The following NUP210L variants were observed in gnomAD, a reference collection of about 807,000 sequenced individuals.
NUP210L encodes nuclear pore membrane glycoprotein 210-like.
Under a neutral mutation model 208.5 loss-of-function variants are expected in NUP210L, and 74 were observed. The observed-to-expected ratio is 0.35, with a 90% CI of 0.29 to 0.43. The LOEUF is 0.43. Ranked by LOEUF, NUP210L falls within the 20% of genes least tolerant of loss-of-function variation. The probability of loss-of-function intolerance (pLI) is 1.00; values close to 1 mark genes in which losing one functional copy is unlikely to be tolerated. For synonymous variants in NUP210L, 780 were observed against 816.9 expected (o/e 0.95, Z 0.77); for missense variants, 1,843 against 2,289.4 (o/e 0.81, Z 3.98).
At chr1:154,117,471 C>G (rs1443488164) in intron 12 of NUP210L, among the ~76,000 whole-genome samples, 5 of 152,096 alleles carry the variant, frequency 3.3e-5, no homozygotes, top group African/African-American at 1.2e-4. Context: ...ATCCCAGCTA[C>G]TCAGGAGGCT....
chr1:154,132,281 A>G (rs183469902), intron 7 of NUP210L, among the ~76,000 whole-genome samples: 1 of 152,300 alleles, frequency 6.6e-6, no homozygotes, highest in Admixed American at 6.5e-5. Context: ...ACTATCACCT[A>G]TCTATAAACT....
At chr1:153,995,642 G>A (rs780242856) in intron 37 of NUP210L, 28 of 1,309,774 alleles carry the variant, frequency 2.1e-5, no homozygotes, top group Middle Eastern at 2.6e-4. Flanking sequence ...ATGGTCCAGC[G>A]TTTGACATAC....
chr1:154,099,494 T>A (rs1266154105), intron 14 of NUP210L, among the ~76,000 whole-genome samples: 1 of 152,214 alleles, frequency 6.6e-6, no homozygotes. Context: ...GTCTCCATTA[T>A]AATGAACCAG....
At chr1:153,993,732 C>G (rs774046550) in intron 38 of NUP210L, among the ~76,000 whole-genome samples, 4 of 151,024 alleles carry the variant, frequency 2.6e-5, no homozygotes, top group Non-Finnish European at 4.4e-5. Context: ...GGCCAACATG[C>G]CACTAAAAAT....
In NUP210L at chr1:154,041,003, C is replaced by A. The variant is rs549421824; in HGVS notation, c.3696+5066G>T. ...TTTGAGAGACAGGGTCTCACTTTGTCTTCCAGGCTGGAGTGCCGTGGTGCA... is the reference window on the plus strand; with the variant it reads ...TTTGAGAGACAGGGTCTCACTTTGTATTCCAGGCTGGAGTGCCGTGGTGCA... On this transcript the variant is annotated intron_variant, in intron 27 of 39. Coordinates refer to ENST00000368559, the Ensembl canonical transcript of NUP210L. 3.3e-5 allele frequency among the ~76,000 whole-genome samples: 5 copies of A among 152,282 alleles called. No individual in the cohort carries two copies. In the South Asian group the frequency reaches 1.0e-3, roughly 32 times the overall value.
At chr1:154,096,364 G>A (rs2148056077) in intron 14 of NUP210L, among the ~76,000 whole-genome samples, 1 of 152,240 alleles carries the variant, frequency 6.6e-6, no homozygotes, top group South Asian at 2.1e-4. Context: ...ATTCACTTAT[G>A]AGGATACAGT....
intron 37 of NUP210L, among the ~76,000 whole-genome samples, chr1:153,997,082 G>T (rs991991241): frequency 1.3e-5 from 2 of 151,842 alleles, no homozygotes; most frequent in Admixed American, 1.3e-4. Context: ...TGCTGCCTCA[G>T]CATCCTGCGT....
intron 2 of NUP210L, among the ~76,000 whole-genome samples, chr1:154,147,976 A>G (rs1659201038): frequency 7.2e-6 from 1 of 138,896 alleles, no homozygotes; most frequent in Non-Finnish European, 1.6e-5. Context: ...TTTAAGTGTC[A>G]AGGCCAGGCA....
intron 2 of NUP210L, among the ~76,000 whole-genome samples, chr1:154,145,659 T>C (rs1029437375): frequency 6.6e-6 from 1 of 152,158 alleles, no homozygotes; most frequent in Non-Finnish European, 1.5e-5. Flanking sequence ...CTTTTCTCCC[T>C]GTCAGAGAAA....
In NUP210L at chr1:153,992,952, A is replaced by C. The variant is rs1233504222; in HGVS notation, c.5567-17T>G. 1 of 1,608,688 alleles carries C rather than the reference A, an allele frequency of 6.2e-7. No homozygotes were observed. The highest frequency in any genetic ancestry group is 8.5e-7 in the Non-Finnish European group (1 of 1,177,296). Reference sequence around the variant, plus strand: ...TAAAAAAACCTAGAAGAAGAGGGAAAAGTTGAGTGAATTAAACGTGTGTAT... The same window carrying C: ...TAAAAAAACCTAGAAGAAGAGGGAACAGTTGAGTGAATTAAACGTGTGTAT... On this transcript the variant is annotated splice_polypyrimidine_tract_variant and intron_variant, in intron 39 of 39. Transcript: ENST00000368559.
chr1:154,056,146 T>C (rs920273450), intron 23 of NUP210L, among the ~76,000 whole-genome samples: 1 of 152,106 alleles, frequency 6.6e-6, no homozygotes, highest in African/African-American at 2.4e-5. Context: ...GCTTTCCACA[T>C]TTTCTTTTCT....
chr1:154,125,825 T>C (rs1657930221), intron 10 of NUP210L, among the ~76,000 whole-genome samples: 1 of 123,574 alleles, frequency 8.1e-6, no homozygotes, highest in African/African-American at 2.9e-5. Context: ...TGGAGCGCAG[T>C]GGCGGGATCT....
At chr1:154,153,810 C>G (rs1422999341) in intron 1 of NUP210L, among the ~76,000 whole-genome samples, 1 of 152,182 alleles carries the variant, frequency 6.6e-6, no homozygotes, top group African/African-American at 2.4e-5. Flanking sequence ...CTTGCATCAC[C>G]CTCACGGTCA....
chr1:154,101,002 G>A (rs1222762097), intron 13 of NUP210L, among the ~76,000 whole-genome samples: 4 of 151,498 alleles, frequency 2.6e-5, no homozygotes, highest in Admixed American at 6.6e-5. Flanking sequence ...GAGAAATCCC[G>A]TCTCTACTAA....
chr1:154,018,743 A>G (rs563032669), intron 33 of NUP210L, among the ~76,000 whole-genome samples, 190 bp downstream of exon 33: 9 of 152,274 alleles, frequency 5.9e-5, no homozygotes, highest in Middle Eastern at 3.4e-3. Context: ...CTCTTAAAAC[A>G]CAGGTAGTCA....
At position 154,125,630 on chromosome 1, in the gene NUP210L, G is replaced by A. The variant is rs1012606796; in HGVS notation, c.1326+693C>T. ...AAATGAGGCCCTCTCTGAAAGGAAGGAAGGAAGGAAGGAAGGAAGGAAGGA... is the reference window on the plus strand; with the variant it reads ...AAATGAGGCCCTCTCTGAAAGGAAGAAAGGAAGGAAGGAAGGAAGGAAGGA... On this transcript the variant is annotated intron_variant, in intron 10 of 39. Transcript: ENST00000368559. Among the ~76,000 whole-genome samples, 5 of 628 alleles carry A rather than the reference G, an allele frequency of 8.0e-3. No homozygotes were observed. In the South Asian group the frequency reaches 0.18, roughly 23 times the overall value. The allele number at this position is 628 out of a possible 152,430, so 0.4% of individuals were successfully genotyped here.
chr1:154,155,036 G>A (rs1442682988), exon 1 of NUP210L: 2 of 1,604,066 alleles, frequency 1.2e-6, no homozygotes, highest in Non-Finnish European at 1.7e-6. Flanking sequence ...ACGCCGGACA[G>A]CCAGTCATGG....
At position 154,027,477 on chromosome 1, in the gene NUP210L, G is replaced by A. The variant is rs370769417; in HGVS notation, c.3947+29C>T. Reference sequence around the variant, plus strand: ...CTGAAAATACTTAAGCTTAGATCCTGGCACTTCCTTATTCTCCCTTTTCCT... The same window carrying A: ...CTGAAAATACTTAAGCTTAGATCCTAGCACTTCCTTATTCTCCCTTTTCCT... On this transcript the variant is annotated intron_variant, in intron 29 of 39. Coordinates refer to ENST00000368559, the Ensembl canonical transcript of NUP210L. The A allele has an allele frequency of 2.2e-5, 31 of 1,439,100 alleles. No individual in the cohort carries two copies. The African/African-American group carries it at 3.9e-4, about 18-fold the overall frequency. 89.1% of individuals were successfully genotyped at this position (1,439,100 alleles called of 1,614,324 possible). A position where few individuals can be genotyped will look rare whatever the true frequency, so the allele number is the denominator to read the frequency against.
At chr1:154,013,047 C>T (rs1255310349) in intron 33 of NUP210L, among the ~76,000 whole-genome samples, 7 of 144,656 alleles carry the variant, frequency 4.8e-5, no homozygotes, top group Middle Eastern at 3.4e-3. Flanking sequence ...CTTGGCCAGG[C>T]GCGGTGGCTC....
Sources: gnomAD v4.1 joint callset for allele counts (sites outside exome capture counted in the v4.1 genomes callset) on GRCh38, gnomAD v4.1.1 for gene constraint, MANE v1.5 for transcripts, NCBI Gene and HGNC (gene_info 2026-07-23, HGNC 2026-07-21) for gene names.